TEP1: variants seen among roughly 807,000 people sequenced by gnomAD.
The protein encoded by TEP1 is telomerase protein component 1.
A neutral mutation model predicts 306.3 loss-of-function variants in TEP1; 241 were observed. That is an observed-to-expected ratio of 0.79 (90% confidence interval 0.71 to 0.88). TEP1 has a LOEUF of 0.88. TEP1 is among the 40% of genes least tolerant of loss of function. The pLI, the probability that TEP1 is intolerant of heterozygous loss-of-function variation, is 0.00. For synonymous variants in TEP1, 1,289 were observed against 1,305.5 expected (o/e 0.99, Z 0.27); for missense variants, 3,051 against 3,276.1 (o/e 0.93, Z 1.68).
In TEP1 at chr14:20,379,058, C is replaced by T. The variant is rs781251572; in HGVS notation, c.5175G>A (p.Leu1725=). 2.5e-6 allele frequency: 4 copies of T among 1,614,148 alleles called. No individual in the cohort carries two copies. Among genetic ancestry groups the T allele is most frequent in the Non-Finnish European group, 3.4e-6 (4 of 1,180,032 alleles). The part of the protein sequence containing the change: ...VSGCDGISAC[L]FLSDDTLFLT... ...GAAAGAGTGTATCATCGGAGAGGAA[C>T]AAACAAGCAGAGATTCCATCACAGC... The change falls in exon 36 of 55, where the codon TTG becomes TTA. Residue 1725 remains leucine (L), a synonymous_variant. Transcript: ENST00000262715.
intron 20 of TEP1, among the ~76,000 whole-genome samples, chr14:20,385,466 C>T (rs974396509): frequency 2.0e-5 from 3 of 152,024 alleles, no homozygotes; most frequent in African/African-American, 2.4e-5. Context: ...TCCGCCTCCT[C>T]GGTTCAAGCA....
chr14:20,406,205 A>T, intron 3 of TEP1, 28 bp downstream of exon 3: 1 of 1,612,552 alleles, frequency 6.2e-7, no homozygotes, highest in Non-Finnish European at 8.5e-7. Flanking sequence ...CACCATTATT[A>T]ACCTTCCCCT....
Position 20,373,824 on chromosome 14 carries a change from A to G in TEP1, c.6472-14T>C, listed in dbSNP as rs376330539. 6.8e-5 allele frequency: 109 copies of G among 1,611,658 alleles called. No homozygotes were observed. The African/African-American group carries it at 1.2e-3, about 17-fold the overall frequency. ...CACGTGCTCCTCCTGCCCACAGAGC[A>G]CAAGATCAGAGCAGAGTCATATTGA... On this transcript the variant is annotated splice_polypyrimidine_tract_variant and intron_variant, in intron 44 of 54. Coordinates refer to ENST00000262715, the MANE Select transcript of TEP1 (RefSeq NM_007110.5).
intron 25 of TEP1, 31 bp from the exon 26 acceptor site, chr14:20,383,675 G>C (rs1337761081): frequency 6.2e-7 from 1 of 1,601,142 alleles, no homozygotes; most frequent in Non-Finnish European, 8.5e-7. Context: ...AGGGTCAGTG[G>C]GAGAGAAAAA....
intron 12 of TEP1, 48 bp downstream of exon 12, chr14:20,395,402 G>A (rs1303847531): frequency 6.6e-7 from 1 of 1,519,200 alleles, no homozygotes; most frequent in East Asian, 2.3e-5. Flanking sequence ...ACCTGTGCCA[G>A]GGTAGCCCCG....
chr14:20,387,631 T>C (rs1172951482), intron 18 of TEP1, among the ~76,000 whole-genome samples: 1 of 151,992 alleles, frequency 6.6e-6, no homozygotes, highest in African/African-American at 2.4e-5. Context: ...CCAGAACCTG[T>C]GCTCCTAAGC....
Position 20,401,138 on chromosome 14 carries a change from G to A in TEP1, c.1395C>T (p.Tyr465=). 6.2e-7 allele frequency: 1 copy of A among 1,613,986 alleles called. No homozygotes were observed. Among genetic ancestry groups the A allele is most frequent in the Non-Finnish European group, 8.5e-7 (1 of 1,179,984 alleles). ...GAGAAAAGAGCTGTAGGTTGGAGGG[G>A]TATCTGAGGATAGGTAAGAAAGAGG... is the stretch of plus-strand genomic sequence containing the variant. ...QHVQALLGYR[Y]PSNLQLFSRS... The change falls in exon 9 of 55, where the codon TAC becomes TAT. Residue 465 remains tyrosine (Y), a synonymous_variant. Coordinates refer to ENST00000262715, the MANE Select transcript of TEP1 (RefSeq NM_007110.5).
At chr14:20,370,276 T>C (rs1400821377) in intron 51 of TEP1, among the ~76,000 whole-genome samples, 1 of 152,198 alleles carries the variant, frequency 6.6e-6, no homozygotes, top group Admixed American at 6.5e-5. Context: ...ACCCATGCAG[T>C]CACCCGACAG....
intron 43 of TEP1, among the ~76,000 whole-genome samples, chr14:20,375,103 A>C (rs1727786052): frequency 6.6e-6 from 1 of 151,888 alleles, no homozygotes; most frequent in Non-Finnish European, 1.5e-5. Context: ...AAACAAAAAA[A>C]AAAAAAAGGA....
At position 20,373,067 on chromosome 14, in the gene TEP1, T is replaced by C; in HGVS notation, c.6895A>G (p.Asn2299Asp). Residue 2299 changes from asparagine (N) to aspartate (D), a missense_variant, in exon 48 of 55, where the codon AAT becomes GAT. By Grantham distance (23) the Asn-to-Asp change is conservative. Transcript: ENST00000262715. ...CACAAGATTAGTTCCCCAGCTTGAT[T>C]TCCAGATACTGCCATGGAACCATCT... ...APDGSMAVSG[N>D]QAGELILWQE... 6.2e-7 allele frequency: 1 copy of C among 1,614,224 alleles called. No homozygotes were observed. Among genetic ancestry groups the C allele is most frequent in the Non-Finnish European group, 8.5e-7 (1 of 1,180,036 alleles).
intron 12 of TEP1, among the ~76,000 whole-genome samples, chr14:20,394,474 CTTTTTTTTT>C (rs747749338): frequency 1.0e-5 from 1 of 100,456 alleles, no homozygotes; most frequent in Non-Finnish European, 1.9e-5. Flanking sequence ...GCCCCTTGGG[CTTTTTTTTT>C]TTTTTTTTTT....
rs765412735 is a variant in TEP1 at position 20,383,185 on chromosome 14, A to G, written c.4036T>C (p.Phe1346Leu). The change falls in exon 27 of 55, where the codon TTT (phenylalanine) becomes CTT (leucine). Residue 1346 changes from phenylalanine (F) to leucine (L), a missense_variant. By Grantham distance (22) the Phe-to-Leu change is conservative. This residue lies in a region of TEP1 where 1,540 missense variants were observed against 1,705.9 expected (regional missense o/e 0.90). Transcript: ENST00000262715. ...GCCTAGAACCCAACCTGGTTGTTAAATGGTGACTCCTCCAGCCGCTTCCCG... is the reference window on the plus strand; with the variant it reads ...GCCTAGAACCCAACCTGGTTGTTAAGTGGTGACTCCTCCAGCCGCTTCCCG... ...LYGKRLEESPFNNQMRLLLVK... is the reference protein window; with the variant it reads ...LYGKRLEESPLNNQMRLLLVK... 10 of 1,601,348 alleles carry G rather than the reference A, an allele frequency of 6.2e-6. No homozygotes were observed. The African/African-American group carries it at 1.2e-4, about 19-fold the overall frequency.
chr14:20,387,875 A>G, intron 18 of TEP1, 30 bp downstream of exon 18: 1 of 1,558,634 alleles, frequency 6.4e-7, no homozygotes, highest in Non-Finnish European at 8.6e-7. Context: ...GCCCCTCCCA[A>G]TTCACAAAGG....
Position 20,381,838 on chromosome 14 carries a change from G to C in TEP1, c.4424+75C>G. ...CATGGTCTGGGAGCCAGTTGTTGAAGCTATACAGAGGGCCCCGGCTCAAAG... is the reference window on the plus strand; with the variant it reads ...CATGGTCTGGGAGCCAGTTGTTGAACCTATACAGAGGGCCCCGGCTCAAAG... On this transcript the variant is annotated intron_variant, in intron 30 of 54. Coordinates refer to ENST00000262715, the MANE Select transcript of TEP1 (RefSeq NM_007110.5). The surrounding 1 kb of genome is among the most constrained non-coding windows in gnomAD (Gnocchi z 4.0). 6.4e-7 allele frequency: 1 copy of C among 1,574,312 alleles called. No homozygotes were observed. Among genetic ancestry groups the C allele is most frequent in the Non-Finnish European group, 8.6e-7 (1 of 1,162,588 alleles).
intron 47 of TEP1, 39 bp from the exon 48 acceptor site, chr14:20,373,186 A>G (rs1405449539): frequency 6.8e-6 from 11 of 1,613,646 alleles, no homozygotes; most frequent in Non-Finnish European, 9.3e-6. Context: ...GAGCTGGGAT[A>G]CTGCTGGGAT....
rs903016023 is a variant in TEP1, at chr14:20,401,367, G to A, written c.1391+90C>T. 30 of 1,552,412 alleles carry A rather than the reference G, an allele frequency of 1.9e-5. No individual in the cohort carries two copies. In the Admixed American group the frequency reaches 4.2e-4, roughly 22 times the overall value. ...ATGTCTGTCTAAAGTCATGTTGCTG[G>A]GTTTGAGAACTACTGGGATGGGGGC... On this transcript the variant is annotated intron_variant, in intron 8 of 54. Coordinates refer to ENST00000262715, the MANE Select transcript of TEP1 (RefSeq NM_007110.5).
chr14:20,400,525 G>GAAAAAAAAAAAAAAAA (rs1878608175), intron 9 of TEP1: 1 of 111,084 alleles, frequency 9.0e-6, no homozygotes, highest in Non-Finnish European at 1.9e-5. Context: ...AAAAAAAACA[G>GAAAAAAAAAAAAAAAA]AGAAAGAGAA....
chr14:20,380,838 C>A, intron 33 of TEP1, 93 bp downstream of exon 33: 2 of 1,084,916 alleles, frequency 1.8e-6, no homozygotes, highest in African/African-American at 1.6e-5. Context: ...TCCCTGACAC[C>A]CACACCCCTG....
intron 18 of TEP1, among the ~76,000 whole-genome samples, chr14:20,387,318 G>A (rs1189734157): frequency 2.0e-5 from 3 of 149,016 alleles, no homozygotes; most frequent in Admixed American, 6.6e-5. Context: ...AGGTCGAGGC[G>A]GGCAGATCAC....
Sources: allele counts gnomAD v4.1 joint callset (sites outside exome capture counted in the v4.1 genomes callset), GRCh38; gene constraint gnomAD v4.1.1; regional missense constraint gnomAD v4.1.1; non-coding constraint Gnocchi (gnomAD v3.1); transcripts MANE v1.5; gene names NCBI Gene and HGNC (gene_info 2026-07-23, HGNC 2026-07-21).